NRG1: variants seen among roughly 807,000 people sequenced by gnomAD.
The protein encoded by NRG1 is pro-neuregulin-1, membrane-bound isoform.
NRG1 carries 18 observed loss-of-function variants against 63.8 expected under a neutral mutation model. The ratio of observed to expected loss-of-function variants is 0.28; its 90% CI spans 0.19 to 0.42. The LOEUF (loss-of-function observed/expected upper bound fraction) is 0.42, where lower values mean the gene tolerates loss of function less well. Among genes scored for constraint, NRG1 ranks in the 10% least tolerant of loss-of-function variants. The probability of loss-of-function intolerance (pLI) is 1.00; values close to 1 mark genes in which losing one functional copy is unlikely to be tolerated. For synonymous variants in NRG1, 302 were observed against 301.3 expected, an observed-to-expected ratio of 1.00 and a Z score of -0.02; for missense variants, 762 against 814.7, an observed-to-expected ratio of 0.94 and a Z score of 0.79.
intron 1 of NRG1, among the ~76,000 whole-genome samples, chr8:32,156,926 G>C (rs1335012287): frequency 1.3e-5 from 2 of 152,134 alleles, no homozygotes; most frequent in African/African-American, 2.4e-5. Context: ...AACAGAGTGA[G>C]ACCCTATCTC....
intron 1 of NRG1, among the ~76,000 whole-genome samples, chr8:32,158,448 G>GATATAGATATATATATATATATATATAT (rs1554641399): frequency 1.6e-5 from 1 of 62,184 alleles, no homozygotes; most frequent in Non-Finnish European, 3.9e-5. Context: ...TGGTTTACAT[G>GATATAGATATATATATATATATATATAT]ATATATATAT....
chr8:32,105,129 T>G (rs1831093263), intron 1 of NRG1, among the ~76,000 whole-genome samples: 1 of 152,174 alleles, frequency 6.6e-6, no homozygotes, highest in Non-Finnish European at 1.5e-5. Flanking sequence ...TGTGACATTA[T>G]GAGGGCTATG....
chr8:31,769,086 C>A (rs897433654), intron 1 of NRG1, among the ~76,000 whole-genome samples: 1 of 152,194 alleles, frequency 6.6e-6, no homozygotes, highest in African/African-American at 2.4e-5. Context: ...TTAAAAATTT[C>A]TCAACATTTT....
intron 1 of NRG1, among the ~76,000 whole-genome samples, chr8:32,438,940 G>A (rs562709611): frequency 6.6e-6 from 1 of 151,954 alleles, no homozygotes; most frequent in South Asian, 2.1e-4. Context: ...GTCCTTTGTC[G>A]GATATGTGAT....
chr8:32,261,216 A>G (rs1850329651), intron 1 of NRG1, among the ~76,000 whole-genome samples: 1 of 152,036 alleles, frequency 6.6e-6, no homozygotes, highest in Non-Finnish European at 1.5e-5. Flanking sequence ...TATTCACTCA[A>G]ATTCAGACTT....
At chr8:32,578,252 C>T (rs886231672) in intron 1 of NRG1, among the ~76,000 whole-genome samples, 1 of 152,166 alleles carries the variant, frequency 6.6e-6, no homozygotes, top group East Asian at 1.9e-4. Flanking sequence ...CCTCAGCCTT[C>T]CAAAGTGCTG....
At chr8:31,934,537 T>C (rs573503202) in intron 1 of NRG1, among the ~76,000 whole-genome samples, 136 of 149,718 alleles carry the variant, frequency 9.1e-4, no homozygotes, top group African/African-American at 3.3e-3. Flanking sequence ...GCGATTCCCC[T>C]GCCTCAGCCT....
chr8:32,250,084 G>A (rs1848946632), intron 1 of NRG1, among the ~76,000 whole-genome samples: 1 of 152,076 alleles, frequency 6.6e-6, no homozygotes, highest in African/African-American at 2.4e-5. Context: ...CTCTTTTCCG[G>A]AAGCACAGGG....
chr8:32,662,348 A>G (rs1036436591), intron 5 of NRG1, among the ~76,000 whole-genome samples: 27 of 152,202 alleles, frequency 1.8e-4, no homozygotes, highest in African/African-American at 6.0e-4. Context: ...ACTTAAGCCA[A>G]TGGCTTAAGT....
At chr8:32,192,319 A>G (rs1183071147) in intron 1 of NRG1, among the ~76,000 whole-genome samples, 3 of 152,206 alleles carry the variant, frequency 2.0e-5, no homozygotes, top group African/African-American at 4.8e-5. Flanking sequence ...ACTATTCACT[A>G]TAACAAAGAC....
chr8:32,616,977 T>C, intron 5 of NRG1, 92 bp downstream of exon 5: 1 of 949,528 alleles, frequency 1.1e-6, no homozygotes, highest in Non-Finnish European at 1.7e-6. Context: ...TCTGCCCCTA[T>C]TAAGGGTCAG....
rs983001146 is a variant in NRG1 at position 32,603,711 on chromosome 8, G to A, written c.279-1851G>A. Among the ~76,000 whole-genome samples the A allele has an allele frequency of 9.9e-4, 150 of 152,194 alleles. 5 individuals carry two copies. Among genetic ancestry groups the A allele is most frequent in the East Asian group, 3.9e-4 (2 of 5,160 alleles). On this transcript the variant is annotated intron_variant, in intron 2 of 11. Coordinates refer to ENST00000356819, the Ensembl canonical transcript of NRG1. The stretch of plus-strand genomic sequence containing the variant: ...AGGCTTGTCTTGAACTCCTGACCTC[G>A]TGATCTGTCTTCCTCGGCCTCCCAA...
intron 1 of NRG1, among the ~76,000 whole-genome samples, chr8:32,287,871 G>A (rs1371652284): frequency 6.6e-6 from 1 of 152,012 alleles, no homozygotes; most frequent in Non-Finnish European, 1.5e-5. Context: ...TGATAACATT[G>A]AGATACCACA....
At chr8:32,326,498 T>C (rs1246274431) in intron 1 of NRG1, among the ~76,000 whole-genome samples, 1 of 151,994 alleles carries the variant, frequency 6.6e-6, no homozygotes, top group African/African-American at 2.4e-5. Flanking sequence ...CTAATTTTTG[T>C]ATTTTTTGTA....
At chr8:32,088,555 G>T (rs1828629788) in intron 1 of NRG1, among the ~76,000 whole-genome samples, 1 of 144,674 alleles carries the variant, frequency 6.9e-6, no homozygotes, top group Non-Finnish European at 1.5e-5. Context: ...GTCTCAGTCT[G>T]TTGCCAGGCT....
At chr8:31,874,212 T>C (rs998600255) in intron 1 of NRG1, among the ~76,000 whole-genome samples, 3 of 152,220 alleles carry the variant, frequency 2.0e-5, no homozygotes, top group Admixed American at 1.3e-4. Context: ...AGTGGGGTCA[T>C]GCTAGTGAAT....
chr8:32,271,446 T>C (rs748853662), intron 1 of NRG1, among the ~76,000 whole-genome samples: 4 of 152,176 alleles, frequency 2.6e-5, no homozygotes, highest in Non-Finnish European at 5.9e-5. Context: ...ACCACGTAAA[T>C]TCCTGGGCGA....
intron 1 of NRG1, among the ~76,000 whole-genome samples, chr8:31,865,075 G>A (rs770629689): frequency 2.2e-4 from 34 of 151,980 alleles, no homozygotes; most frequent in Non-Finnish European, 4.7e-4. Context: ...TCCTTTCCTG[G>A]GGCCAAAGCG....
At chr8:31,738,330 G>C (rs1345035284) in intron 1 of NRG1, among the ~76,000 whole-genome samples, 1 of 152,074 alleles carries the variant, frequency 6.6e-6, no homozygotes, top group African/African-American at 2.4e-5. Flanking sequence ...GCTTGACTTC[G>C]TTTTTAAGCC....
Sources: allele counts gnomAD v4.1 joint callset (sites outside exome capture counted in the v4.1 genomes callset), GRCh38; gene constraint gnomAD v4.1.1; transcripts MANE v1.5; gene names NCBI Gene and HGNC (gene_info 2026-07-23, HGNC 2026-07-21).